The following MAPK6 variants were observed in gnomAD, a reference collection of about 807,000 sequenced individuals.
MAPK6 encodes ERK-3.
MAPK6 carries 19 observed loss-of-function variants against 59.3 expected under a neutral mutation model. The ratio of observed to expected loss-of-function variants is 0.32; its 90% CI spans 0.22 to 0.47. MAPK6 has a LOEUF of 0.47. Among genes scored for constraint, MAPK6 ranks in the 20% least tolerant of loss-of-function variants. The pLI, the probability that MAPK6 is intolerant of heterozygous loss-of-function variation, is 1.00. For synonymous variants in MAPK6, 316 were observed against 290.3 expected (o/e 1.09, Z -0.90); for missense variants, 724 against 847.9 (o/e 0.85, Z 1.81).
chr15:51,987,618 C>CA (rs1244498664), intron 2 of MAPK6, among the ~76,000 whole-genome samples: 6 of 151,196 alleles, frequency 4.0e-5, no homozygotes, highest in African/African-American at 1.2e-4. Context: ...GACTCTGCCT[C>CA]AAAAAAAATA....
chr15:51,976,122 C>T (rs535644792), intron 1 of MAPK6, among the ~76,000 whole-genome samples: 18 of 149,236 alleles, frequency 1.2e-4, no homozygotes, highest in South Asian at 4.2e-4. Context: ...AAAAATTTGC[C>T]GGGCGTGGTG....
intron 2 of MAPK6, among the ~76,000 whole-genome samples, chr15:51,993,969 A>G (rs1472616998): frequency 6.7e-6 from 1 of 148,396 alleles, no homozygotes; most frequent in Non-Finnish European, 1.5e-5. Context: ...ATTTATTTAT[A>G]CTTTTTTTGA....
chr15:51,990,899 A>G (rs1409528886), intron 2 of MAPK6, among the ~76,000 whole-genome samples: 1 of 152,130 alleles, frequency 6.6e-6, no homozygotes, highest in Non-Finnish European at 1.5e-5. Context: ...ACTTGCAGTG[A>G]GCCGAGATCT....
At chr15:52,054,839 G>A (rs1020771723) in intron 3 of MAPK6, among the ~76,000 whole-genome samples, 1 of 151,050 alleles carries the variant, frequency 6.6e-6, no homozygotes, top group Non-Finnish European at 1.5e-5. Context: ...GCCAACAATC[G>A]TACAATGGTG....
In MAPK6 at chr15:52,004,810, C is replaced by A. The variant is rs1312775607; in HGVS notation, c.-632+408C>A. ...CCTAAACACCTCCAATTAGGCCCCA[C>A]CTCCCAACACTGCTGCATTGGGGAT... On this transcript the variant is annotated intron_variant, in intron 3 of 7. Transcript: ENST00000691380. 2.0e-5 allele frequency among the ~76,000 whole-genome samples: 3 copies of A among 152,312 alleles called. No homozygotes were observed. In the East Asian group the frequency reaches 5.8e-4, roughly 29 times the overall value.
chr15:51,973,747 G>T (rs145091056), intron 1 of MAPK6, among the ~76,000 whole-genome samples: 191 of 151,904 alleles, frequency 1.3e-3, no homozygotes, highest in African/African-American at 4.2e-3. Context: ...CCACCTCCCG[G>T]GTTCGAGTGA....
intron 3 of MAPK6, among the ~76,000 whole-genome samples, chr15:52,051,251 G>T (rs1020580221): frequency 3.3e-5 from 5 of 152,016 alleles, no homozygotes; most frequent in African/African-American, 1.2e-4. Flanking sequence ...TGGAGATAGG[G>T]TTTTACCATG....
upstream of MAPK6, chr15:52,019,180 T>C (rs2030379676): frequency 1.3e-5 from 2 of 148,708 alleles, no homozygotes; most frequent in Non-Finnish European, 1.5e-5. Flanking sequence ...AGTGAGCCTG[T>C]GACGTGAGGG....
chr15:52,008,576 C>T (rs776627516), intron 3 of MAPK6, among the ~76,000 whole-genome samples: 1 of 152,236 alleles, frequency 6.6e-6, no homozygotes, highest in African/African-American at 2.4e-5. Context: ...TCTATCTCCT[C>T]TGCTCACCTG....
chr15:51,995,147 G>C (rs148775542), intron 2 of MAPK6, among the ~76,000 whole-genome samples: 105 of 152,334 alleles, frequency 6.9e-4, no homozygotes, highest in East Asian at 9.6e-4. Flanking sequence ...CAGGGCAGAG[G>C]AGGAAGCAGG....
At chr15:52,035,402 A>T (rs1024441228) in intron 1 of MAPK6, among the ~76,000 whole-genome samples, 4 of 152,152 alleles carry the variant, frequency 2.6e-5, no homozygotes, top group Non-Finnish European at 5.9e-5. Context: ...TGGGAGGCCG[A>T]GGCGGGTGGA....
intron 1 of MAPK6, among the ~76,000 whole-genome samples, chr15:52,035,358 C>T (rs1038008601): frequency 6.6e-6 from 1 of 152,110 alleles, no homozygotes; most frequent in African/African-American, 2.4e-5. Flanking sequence ...CATAGGGGGC[C>T]GGGCAGTGGC....
At chr15:52,043,423 G>T (rs890590727) in intron 1 of MAPK6, among the ~76,000 whole-genome samples, 2 of 151,410 alleles carry the variant, frequency 1.3e-5, no homozygotes, top group Non-Finnish European at 2.9e-5. Context: ...TCAGCCTCCC[G>T]AGTAGCTGGG....
chr15:52,037,138 A>G (rs1221068369), intron 1 of MAPK6, among the ~76,000 whole-genome samples: 3 of 152,120 alleles, frequency 2.0e-5, no homozygotes, highest in Non-Finnish European at 4.4e-5. Context: ...TTCTACAAAA[A>G]GAAAAAGAAA....
intron 2 of MAPK6, among the ~76,000 whole-genome samples, chr15:51,988,193 T>C (rs546786918): frequency 3.9e-5 from 6 of 152,028 alleles, no homozygotes; most frequent in Non-Finnish European, 8.8e-5. Flanking sequence ...ATTAAATTGG[T>C]TTGAAATCCA....
intron 1 of MAPK6, among the ~76,000 whole-genome samples, chr15:52,032,042 T>C (rs1420312367): frequency 6.6e-6 from 1 of 151,640 alleles, no homozygotes; most frequent in African/African-American, 2.4e-5. Context: ...CTGGCTAATT[T>C]TTTTTGTATT....
Position 52,044,868 on chromosome 15 carries a change from TCTTTC to T in MAPK6, c.-631-958_-631-954del, listed in dbSNP as rs557247464. Among the ~76,000 whole-genome samples, 25 of 152,032 alleles carry T rather than the reference TCTTTC, an allele frequency of 1.6e-4. No homozygotes were observed. In the South Asian group the frequency reaches 3.9e-3, roughly 24 times the overall value. ...AAAACGCAGATAAATGATTCTGGTCTCTTTCCTTAATCTCCGGGTAATCATTATGA... is the reference window on the plus strand; with the variant it reads ...AAAACGCAGATAAATGATTCTGGTCTCTTAATCTCCGGGTAATCATTATGA... On this transcript the variant is annotated intron_variant, in intron 1 of 5. Coordinates refer to ENST00000261845, the MANE Select transcript of MAPK6 (RefSeq NM_002748.4).
At chr15:51,999,383 C>T (rs2057235802) in intron 2 of MAPK6, among the ~76,000 whole-genome samples, 1 of 152,158 alleles carries the variant, frequency 6.6e-6, no homozygotes, top group Non-Finnish European at 1.5e-5. Flanking sequence ...AATGACCAAT[C>T]ATGGTGATCA....
intron 1 of MAPK6, among the ~76,000 whole-genome samples, chr15:52,037,787 A>C (rs751532018): frequency 2.0e-5 from 3 of 152,172 alleles, no homozygotes; most frequent in Non-Finnish European, 4.4e-5. Flanking sequence ...CGAGGATAGG[A>C]CTTCCCTTCT....
Sources: gnomAD v4.1 joint callset for allele counts (sites outside exome capture counted in the v4.1 genomes callset) on GRCh38, gnomAD v4.1.1 for gene constraint, MANE v1.5 for transcripts, NCBI Gene and HGNC (gene_info 2026-07-23, HGNC 2026-07-21) for gene names.